ANKRD35: variants seen among roughly 807,000 people sequenced by gnomAD.
ANKRD35 encodes the protein ankyrin repeat domain-containing protein 35.
A neutral mutation model predicts 109.9 loss-of-function variants in ANKRD35; 102 were observed. The observed-to-expected ratio is 0.93, with a 90% CI of 0.79 to 1.09. The LOEUF (loss-of-function observed/expected upper bound fraction) is 1.09, where lower values mean the gene tolerates loss of function less well. Among genes scored for constraint, ANKRD35 ranks in the 50% least tolerant of loss-of-function variants. The pLI is 0.00. For missense variants in ANKRD35, 1,240 were observed against 1,230.1 expected (o/e 1.01, Z -0.12); for synonymous variants, 515 against 512.4 (o/e 1.01, Z -0.07).
chr1:145,870,087 C>CA (rs1253050285), intron 10 of ANKRD35, among the ~76,000 whole-genome samples: 1 of 127,808 alleles, frequency 7.8e-6, no homozygotes, highest in Non-Finnish European at 1.5e-5. Flanking sequence ...CCAAGAGTTC[C>CA]AAATTTTTTT....
At position 145,873,421 on chromosome 1, in the gene ANKRD35, G is replaced by C. The variant is rs954750545; in HGVS notation, c.1348C>G (p.Gln450Glu). Residue 450 changes from glutamine (Q) to glutamate (E), a missense_variant, in exon 10 of 14, where the codon CAG becomes GAG. By Grantham distance (29) the Gln-to-Glu change is conservative (BLOSUM62 2). Coordinates refer to ENST00000355594, the MANE Select transcript of ANKRD35 (RefSeq NM_144698.5). ...TCAGCATGATCAGGGCCAAAGGTCTGTGCCCCATTGGTAGTCAGTTGCTGT... is the reference window on the plus strand; with the variant it reads ...TCAGCATGATCAGGGCCAAAGGTCTCTGCCCCATTGGTAGTCAGTTGCTGT... The part of the protein sequence containing the change: ...TGQQLTTNGA[Q>E]TFGPDHADQL... 6.2e-7 allele frequency: 1 copy of C among 1,614,002 alleles called. No homozygotes were observed. Among genetic ancestry groups the C allele is most frequent in the South Asian group, 1.1e-5 (1 of 91,086 alleles).
At chr1:145,883,076 A>ATTT (rs34686883) in intron 1 of ANKRD35, among the ~76,000 whole-genome samples, 68 of 83,416 alleles carry the variant, frequency 8.2e-4, no homozygotes, top group Non-Finnish European at 9.7e-4. Context: ...GACAGTACCA[A>ATTT]TTTTTTTTTT....
chr1:145,872,627 G>T lies in ANKRD35; in HGVS notation c.2142C>A (p.Gly714=). ...LWDCLPADLV[G]ERSAQSKAAE... ...CTGCTTTGCTTTGTGCACTCCTCTC[G>T]CCCACTAGGTCTGCGGGCAGGCAGT... Residue 714 remains glycine (G), a synonymous_variant, in exon 10 of 14, where the codon GGC becomes GGA. Transcript: ENST00000355594. The T allele has an allele frequency of 1.2e-6, 2 of 1,613,876 alleles. No homozygotes were observed. The highest frequency in any genetic ancestry group is 1.3e-5 in the African/African-American group (1 of 75,028).
Position 145,872,506 on chromosome 1 carries a change from G to A in ANKRD35, c.2263C>T (p.Gln755Ter). 6.2e-7 allele frequency: 1 copy of A among 1,602,278 alleles called. No homozygotes were observed. The highest frequency in any genetic ancestry group is 8.5e-7 in the Non-Finnish European group (1 of 1,174,788). ...QVLARLQEEN[Q>*]QLRGSLSPCR... The stretch of plus-strand genomic sequence containing the variant: ...GGGGACAAGGACCCCCGCAACTGCT[G>A]GTTTTCTTCTTGCAGCCGAGCCAGC... The change falls in exon 10 of 14, where the codon CAG becomes TAG. Residue 755 changes from glutamine (Q) to a stop codon, truncating the protein, a stop_gained. Transcript: ENST00000355594. LOFTEE classifies it high-confidence loss of function.
At chr1:145,874,366 C>G (rs1235957280) in intron 8 of ANKRD35, among the ~76,000 whole-genome samples, 174 bp from the exon 9 acceptor site, 1 of 152,190 alleles carries the variant, frequency 6.6e-6, no homozygotes, top group Non-Finnish European at 1.5e-5. Flanking sequence ...AACTATCCAG[C>G]AACTTTGGTT....
At chr1:145,879,182 G>A (rs1570805686) in intron 2 of ANKRD35, 76 bp downstream of exon 2, 1 of 1,430,546 alleles carries the variant, frequency 7.0e-7, no homozygotes, top group Non-Finnish European at 9.2e-7. Flanking sequence ...GCATTCCCTG[G>A]TCCTATGTTA....
intron 2 of ANKRD35, among the ~76,000 whole-genome samples, chr1:145,879,022 T>C (rs939681481): frequency 1.3e-5 from 2 of 152,224 alleles, no homozygotes; most frequent in African/African-American, 4.8e-5. Context: ...TTTATGTACT[T>C]TACAAGTCAG....
chr1:145,873,216 A>C lies in ANKRD35; in HGVS notation c.1553T>G (p.Met518Arg). The change falls in exon 10 of 14, where the codon ATG (methionine) becomes AGG (arginine). Residue 518 changes from methionine (M) to arginine (R), a missense_variant. By Grantham distance (91) the Met-to-Arg change is moderately conservative (BLOSUM62 -1). Coordinates refer to ENST00000355594, the MANE Select transcript of ANKRD35 (RefSeq NM_144698.5). ...AARGALSRPV[M>R]EGALGTPRAE... Reference sequence around the variant, plus strand: ...ACGGGGAGTCCCCAGGGCTCCCTCCATGACCGGTCTTGACAAAGCCCCCCG... The same window carrying C: ...ACGGGGAGTCCCCAGGGCTCCCTCCCTGACCGGTCTTGACAAAGCCCCCCG... The C allele has an allele frequency of 1.2e-6, 2 of 1,614,088 alleles. No homozygotes were observed. The highest frequency in any genetic ancestry group is 1.3e-5 in the African/African-American group (1 of 75,024).
chr1:145,878,730 AG>A (rs1181455563), intron 2 of ANKRD35, among the ~76,000 whole-genome samples: 2 of 152,232 alleles, frequency 1.3e-5, no homozygotes, highest in Non-Finnish European at 2.9e-5. Context: ...AGGGGTGTCT[AG>A]GGAACACATA....
intron 4 of ANKRD35, 60 bp from the exon 5 acceptor site, chr1:145,876,933 C>A: frequency 1.9e-6 from 3 of 1,567,920 alleles, no homozygotes; most frequent in Non-Finnish European, 1.8e-6. Context: ...TCATCCCATA[C>A]CCCCATTGGG....
At chr1:145,870,829 C>T (rs1332824427) in intron 10 of ANKRD35, among the ~76,000 whole-genome samples, 1 of 152,110 alleles carries the variant, frequency 6.6e-6, no homozygotes, top group Admixed American at 6.6e-5. Flanking sequence ...CAGTGATTCT[C>T]CTGCCTCAGC....
chr1:145,876,119 G>A, intron 7 of ANKRD35, 21 bp downstream of exon 7: 4 of 1,608,062 alleles, frequency 2.5e-6, no homozygotes, highest in Non-Finnish European at 3.4e-6. Flanking sequence ...GAATTGGGGT[G>A]CATAGACGAG....
At position 145,877,817 on chromosome 1, in the gene ANKRD35, A is replaced by G. The variant is rs1403772330; in HGVS notation, c.324+151T>C. Reference sequence around the variant, plus strand: ...TGGTGCCTGCACATAGTAGTTAAATAAATGTTGGCAAACAAATGATTATCA... The same window carrying G: ...TGGTGCCTGCACATAGTAGTTAAATGAATGTTGGCAAACAAATGATTATCA... On this transcript the variant is annotated intron_variant, in intron 4 of 13. Coordinates refer to ENST00000355594, the MANE Select transcript of ANKRD35 (RefSeq NM_144698.5). 6 of 710,784 alleles carry G rather than the reference A, an allele frequency of 8.4e-6. No individual in the cohort carries two copies. In the Admixed American group the frequency reaches 1.0e-4, roughly 12 times the overall value. The allele number at this position is 710,784 out of a possible 1,614,324, so 44.0% of individuals were successfully genotyped here. A position where few individuals can be genotyped will look rare whatever the true frequency, so the allele number is the denominator to read the frequency against.
At position 145,876,698 on chromosome 1, in the gene ANKRD35, C is replaced by T; in HGVS notation, c.383-59G>A. 7 of 1,611,214 alleles carry T rather than the reference C, an allele frequency of 4.3e-6. No individual in the cohort carries two copies. The South Asian group carries it at 7.7e-5, about 18-fold the overall frequency. On this transcript the variant is annotated intron_variant, in intron 5 of 13. Coordinates refer to ENST00000355594, the MANE Select transcript of ANKRD35 (RefSeq NM_144698.5). ...TGAAGAAAGCCTACTCAGACTATGA[C>T]CCAACATCCCCTCCGACCATTTCAT...
chr1:145,879,467 G>A, intron 1 of ANKRD35, 79 bp from the exon 2 acceptor site: 1 of 1,342,780 alleles, frequency 7.4e-7, no homozygotes. Context: ...TGGTTAGGAT[G>A]CCAAATGAGA....
At chr1:145,882,462 A>ATTTT (rs781961496) in intron 1 of ANKRD35, among the ~76,000 whole-genome samples, 1 of 140,228 alleles carries the variant, frequency 7.1e-6, no homozygotes, top group African/African-American at 2.7e-5. Flanking sequence ...CACCCAGGTA[A>ATTTT]TTTTTTTTTT....
intron 1 of ANKRD35, among the ~76,000 whole-genome samples, chr1:145,882,668 G>C (rs1043050193): frequency 5.9e-5 from 9 of 152,072 alleles, no homozygotes; most frequent in African/African-American, 1.9e-4. Context: ...ATACTAAGTA[G>C]AGTTTAGAAT....
rs1323592581 is a variant in ANKRD35 at position 145,876,230 on chromosome 1, A to C, written c.470T>G (p.Leu157Arg). The change falls in exon 7 of 14, where the codon CTG becomes CGG. Residue 157 changes from leucine to arginine, a missense_variant. Physicochemically the swap from Leu to Arg is moderately radical, Grantham distance 102. Transcript: ENST00000355594. ...GTGCCCACCCAGCGATGCGATCATC[A>C]GGGGTGTACGTCCATCCTGCACAGA... ...DVLDNDGRTP[L>R]MIASLGGHAA... 6.2e-7 allele frequency: 1 copy of C among 1,613,706 alleles called. No individual in the cohort carries two copies. Among genetic ancestry groups the C allele is most frequent in the African/African-American group, 1.3e-5 (1 of 74,912 alleles).
intron 10 of ANKRD35, among the ~76,000 whole-genome samples, chr1:145,869,218 T>C (rs1221941653): frequency 6.6e-6 from 1 of 152,208 alleles, no homozygotes; most frequent in Non-Finnish European, 1.5e-5. Context: ...TGAGTCTTGC[T>C]CTGTCACCCA....
Sources: allele counts gnomAD v4.1 joint callset (sites outside exome capture counted in the v4.1 genomes callset), GRCh38; gene constraint gnomAD v4.1.1; transcripts MANE v1.5; gene names NCBI Gene and HGNC (gene_info 2026-07-23, HGNC 2026-07-21).